Variants in PCDH9 observed in about 807,000 individuals in gnomAD.
PCDH9 encodes the protein protocadherin 9.
Under a neutral mutation model 70.6 loss-of-function variants are expected in PCDH9, and 24 were observed. The ratio of observed to expected loss-of-function variants is 0.34; its 90% CI spans 0.25 to 0.48. The LOEUF (loss-of-function observed/expected upper bound fraction) is 0.48. Ranked by LOEUF, PCDH9 falls within the 20% of genes least tolerant of loss-of-function variation. The pLI is 0.99. For missense variants in PCDH9, 1,281 were observed against 1,503.6 expected (o/e 0.85, Z 2.45); for synonymous variants, 562 against 558.5 (o/e 1.01, Z -0.09).
intron 4 of PCDH9, among the ~76,000 whole-genome samples, chr13:66,561,704 A>G (rs928066490): frequency 2.0e-5 from 3 of 152,024 alleles, no homozygotes; most frequent in African/African-American, 7.2e-5. Context: ...TAGCTAATCT[A>G]GTGGGGACAT....
rs1185326921 is a variant in PCDH9 at position 67,226,169 on chromosome 13, G to A, written c.2272C>T (p.Leu758=). Residue 758 remains leucine, a synonymous_variant, in exon 2 of 5, where the codon CTG becomes TTG. Transcript: ENST00000377865. This position sits in a 1 kb window ranked among gnomAD's most constrained non-coding sequence, Gnocchi z 5.0. The part of the protein sequence containing the change: ...LHRLVVNISD[L]GYPKSLHTLV... ...GTGTGCAAAGACTTAGGGTACCCCA[G>A]GTCACTTATGTTGACCACCAAACGA... The A allele has an allele frequency of 6.2e-7, 1 of 1,614,140 alleles. No homozygotes were observed. The highest frequency in any genetic ancestry group is 8.5e-7 in the Non-Finnish European group (1 of 1,180,010).
intron 3 of PCDH9, among the ~76,000 whole-genome samples, chr13:66,754,583 T>G (rs2079512349): frequency 6.6e-6 from 1 of 152,114 alleles, no homozygotes; most frequent in South Asian, 2.1e-4. Context: ...ACCTAATCTA[T>G]AGACGCTATA....
chr13:67,020,404 C>T (rs977255915), intron 2 of PCDH9, among the ~76,000 whole-genome samples: 1 of 152,176 alleles, frequency 6.6e-6, no homozygotes, highest in African/African-American at 2.4e-5. Flanking sequence ...AAAGCTTTAT[C>T]AGATCCATAG....
chr13:66,572,166 A>C (rs896568682), intron 4 of PCDH9, among the ~76,000 whole-genome samples: 1 of 152,154 alleles, frequency 6.6e-6, no homozygotes, highest in African/African-American at 2.4e-5. Flanking sequence ...GTAATAATCA[A>C]GTCAGGGTAA....
At chr13:66,612,343 T>G (rs6562461) in intron 4 of PCDH9, among the ~76,000 whole-genome samples, 1 of 152,164 alleles carries the variant, frequency 6.6e-6, no homozygotes, top group Admixed American at 6.5e-5. Flanking sequence ...GACCAAACAA[T>G]AATCAGTGAA....
chr13:67,171,773 A>T (rs768201471), intron 2 of PCDH9, among the ~76,000 whole-genome samples: 8 of 152,172 alleles, frequency 5.3e-5, no homozygotes, highest in Non-Finnish European at 1.0e-4. Context: ...CCTATAAAGT[A>T]GTGATTATAA....
intron 2 of PCDH9, among the ~76,000 whole-genome samples, chr13:66,973,506 G>C (rs1030515769): frequency 6.6e-6 from 1 of 151,930 alleles, no homozygotes; most frequent in East Asian, 1.9e-4. Flanking sequence ...AAAAGGAAGA[G>C]GTGACAGAAT....
Position 66,979,414 on chromosome 13 carries a change from C to T in PCDH9, c.3037-75809G>A, listed in dbSNP as rs1238259947. On this transcript the variant is annotated intron_variant, in intron 2 of 4. Coordinates refer to ENST00000377865, the MANE Select transcript of PCDH9 (RefSeq NM_203487.3). ...GTTCTGAATCTATTGTTTCTATTAC[C>T]TTATTCATTATAAACAGTGAAGATA... Among the ~76,000 whole-genome samples, 3 of 152,188 alleles carry T rather than the reference C, an allele frequency of 2.0e-5. No individual in the cohort carries two copies. The East Asian group carries it at 5.8e-4, about 29-fold the overall frequency.
At chr13:66,818,740 G>A (rs1327311777) in intron 3 of PCDH9, among the ~76,000 whole-genome samples, 6 of 152,000 alleles carry the variant, frequency 3.9e-5, no homozygotes, top group Admixed American at 3.9e-4. Flanking sequence ...AGACCATCCT[G>A]GCTAACACGG....
At position 66,903,580 on chromosome 13, in the gene PCDH9, T is replaced by C; in HGVS notation, c.3062A>G (p.Asn1021Ser). ...ACATTTCTGAGGAGTGACAGGAATA[T>C]TGTCACTTTTGCTGTGTGAGTTACA... is the stretch of plus-strand genomic sequence containing the variant. ...RQCNSHSKSD[N>S]IPVTPQKCPS... The change falls in exon 3 of 5, where the codon AAT (asparagine) becomes AGT (serine). Residue 1021 changes from asparagine (N) to serine (S), a missense_variant. Physicochemically the swap from Asn to Ser is conservative, Grantham distance 46. This residue lies in a region of PCDH9 where 264 missense variants were observed against 278.8 expected (regional missense o/e 0.95). Transcript: ENST00000377865. 6.5e-7 allele frequency: 1 copy of C among 1,546,998 alleles called. No individual in the cohort carries two copies. The highest frequency in any genetic ancestry group is 8.9e-7 in the Non-Finnish European group (1 of 1,120,576).
chr13:67,044,500 C>T (rs1045833438), intron 2 of PCDH9, among the ~76,000 whole-genome samples: 8 of 152,132 alleles, frequency 5.3e-5, no homozygotes, highest in East Asian at 3.9e-4. Context: ...TGCACACACA[C>T]GTACAAAGTG....
At chr13:66,481,794 C>T (rs80308618) in intron 4 of PCDH9, among the ~76,000 whole-genome samples, 2 of 152,158 alleles carry the variant, frequency 1.3e-5, no homozygotes, top group East Asian at 3.9e-4. Flanking sequence ...CAATTATTTT[C>T]TCTTGCTACC....
At chr13:66,675,051 G>C (rs1047099766) in intron 3 of PCDH9, among the ~76,000 whole-genome samples, 3 of 151,940 alleles carry the variant, frequency 2.0e-5, no homozygotes, top group Admixed American at 1.3e-4. Context: ...AGTTTGCTTA[G>C]TCTTACTTGA....
rs1169081442 is a variant in PCDH9 at position 67,205,791 on chromosome 13, C to A, written c.3036+19614G>T. On this transcript the variant is annotated intron_variant, in intron 2 of 4. Coordinates refer to ENST00000377865, the MANE Select transcript of PCDH9 (RefSeq NM_203487.3). ...CCTCCAATTACAACTGTAAAATTCT[C>A]ACCTAGACATTTTATCAATATACGT... The A allele has an allele frequency of 2.0e-5, 3 of 152,286 alleles. No homozygotes were observed. In the East Asian group the frequency reaches 5.8e-4, roughly 29 times the overall value. 9.4% of individuals were successfully genotyped at this position (152,286 alleles called of 1,614,324 possible). A position where few individuals can be genotyped will look rare whatever the true frequency, so the allele number is the denominator to read the frequency against.
chr13:66,704,328 T>C (rs1215380941), intron 3 of PCDH9, among the ~76,000 whole-genome samples: 2 of 152,204 alleles, frequency 1.3e-5, no homozygotes, highest in East Asian at 1.9e-4. Flanking sequence ...TGATGTGATA[T>C]ATGTGACAGA....
chr13:66,416,198 G>C (rs2138335986), intron 4 of PCDH9, among the ~76,000 whole-genome samples: 1 of 151,960 alleles, frequency 6.6e-6, no homozygotes, highest in African/African-American at 2.4e-5. Flanking sequence ...TGAGTATTCT[G>C]AAACCATCTT....
At chr13:66,610,135 ATC>A (rs1173554850) in intron 4 of PCDH9, among the ~76,000 whole-genome samples, 11 of 151,874 alleles carry the variant, frequency 7.2e-5, no homozygotes, top group Non-Finnish European at 1.5e-4. Context: ...TATCTACCAG[ATC>A]TTGTTCATCA....
At chr13:66,477,243 A>G (rs1391249223) in intron 4 of PCDH9, among the ~76,000 whole-genome samples, 1 of 152,130 alleles carries the variant, frequency 6.6e-6, no homozygotes, top group Non-Finnish European at 1.5e-5. Flanking sequence ...CCACTTATTT[A>G]TAAGCTATAT....
intron 2 of PCDH9, among the ~76,000 whole-genome samples, chr13:67,187,916 C>T (rs937479675): frequency 6.6e-6 from 1 of 151,828 alleles, no homozygotes; most frequent in African/African-American, 2.4e-5. Flanking sequence ...AGGAATATTC[C>T]AATTTTAATC....
Sources: allele counts gnomAD v4.1 joint callset (sites outside exome capture counted in the v4.1 genomes callset), GRCh38; gene constraint gnomAD v4.1.1; regional missense constraint gnomAD v4.1.1; non-coding constraint Gnocchi (gnomAD v3.1); transcripts MANE v1.5; gene names NCBI Gene and HGNC (gene_info 2026-07-23, HGNC 2026-07-21).